PTPRN2: variants seen among roughly 807,000 people sequenced by gnomAD.
PTPRN2 encodes the protein receptor-type tyrosine-protein phosphatase N2.
A neutral mutation model predicts 118.8 loss-of-function variants in PTPRN2; 74 were observed. The observed-to-expected ratio is 0.62, with a 90% CI of 0.52 to 0.76. PTPRN2 has a LOEUF of 0.76. Among genes scored for constraint, PTPRN2 ranks in the 30% least tolerant of loss-of-function variants. PTPRN2 has a pLI of 0.00. For missense variants in PTPRN2, 1,481 were observed against 1,394.4 expected (o/e 1.06, Z -0.99); for synonymous variants, 641 against 608.0 (o/e 1.05, Z -0.80).
intron 10 of PTPRN2, among the ~76,000 whole-genome samples, chr7:158,091,982 TTGGG>T (rs370862687): frequency 0.072 from 485 of 6,730 alleles, 21 homozygotes; most frequent in African/African-American, 0.21. Context: ...AGATGGTTGG[TTGGG>T]TGGGTGGGTG....
intron 6 of PTPRN2, among the ~76,000 whole-genome samples, chr7:158,143,136 C>T (rs1415547116): frequency 1.3e-5 from 2 of 152,182 alleles, no homozygotes; most frequent in Non-Finnish European, 2.9e-5. Flanking sequence ...CGCTCGTCCA[C>T]GTCCACAGGT....
At position 157,622,846 on chromosome 7, in the gene PTPRN2, C is replaced by T. The variant is rs951250611; in HGVS notation, c.2197-1337G>A. ...GGGAAAAGCAGAGGGACTCCAGTGCCGTTGAGAAGCCGCACCGACTGCCTG... is the reference window on the plus strand; with the variant it reads ...GGGAAAAGCAGAGGGACTCCAGTGCTGTTGAGAAGCCGCACCGACTGCCTG... On this transcript the variant is annotated intron_variant, in intron 14 of 22. Coordinates refer to ENST00000389418, the MANE Select transcript of PTPRN2 (RefSeq NM_002847.5). The surrounding 1 kb of genome is among the most constrained non-coding windows in gnomAD (Gnocchi z 5.3). Among the ~76,000 whole-genome samples, 6 of 152,168 alleles carry T rather than the reference C, an allele frequency of 3.9e-5. No homozygotes were observed. Among genetic ancestry groups the T allele is most frequent in the African/African-American group, 1.2e-4 (5 of 41,430 alleles).
At chr7:158,365,474 GATCA>G (rs1809362308) in intron 2 of PTPRN2, among the ~76,000 whole-genome samples, 1 of 152,088 alleles carries the variant, frequency 6.6e-6, no homozygotes, top group South Asian at 2.1e-4. Flanking sequence ...CTGATATTCA[GATCA>G]ATCAGCTGGA....
chr7:157,614,295 G>A (rs1013112230), intron 15 of PTPRN2, among the ~76,000 whole-genome samples: 2 of 152,052 alleles, frequency 1.3e-5, no homozygotes, highest in East Asian at 1.9e-4. Flanking sequence ...CTTGGGAAAC[G>A]GGGGTTCTGG....
chr7:158,249,899 C>T (rs1199999324), intron 3 of PTPRN2, among the ~76,000 whole-genome samples: 6 of 152,166 alleles, frequency 3.9e-5, no homozygotes, highest in East Asian at 3.9e-4. Context: ...CACAACGACC[C>T]GTGCAGTGTC....
At chr7:158,071,262 G>A (rs1484532694) in intron 11 of PTPRN2, among the ~76,000 whole-genome samples, 18 of 45,536 alleles carry the variant, frequency 4.0e-4, no homozygotes, top group Non-Finnish European at 7.6e-4. Context: ...GGAGGTGCCC[G>A]TGGTGGTGGA....
chr7:158,512,824 C>T (rs527473651), intron 1 of PTPRN2, among the ~76,000 whole-genome samples: 2 of 152,216 alleles, frequency 1.3e-5, no homozygotes, highest in African/African-American at 4.8e-5. Context: ...TTCAAAGGGA[C>T]AGTTTGTGTG....
At position 157,594,624 on chromosome 7, in the gene PTPRN2, G is replaced by A. The variant is rs1031848591; in HGVS notation, c.2496+614C>T. 3.9e-5 allele frequency among the ~76,000 whole-genome samples: 6 copies of A among 152,222 alleles called. No homozygotes were observed. The East Asian group carries it at 7.7e-4, about 20-fold the overall frequency. On this transcript the variant is annotated intron_variant, in intron 17 of 22. Transcript: ENST00000389418. ...TGCCTGTGCTCCTGCGGTAACTCAC[G>A]GCCACGTTCCAGGTTCCAGAACCCA...
chr7:158,286,054 C>G (rs1799749856), intron 3 of PTPRN2, among the ~76,000 whole-genome samples: 1 of 152,206 alleles, frequency 6.6e-6, no homozygotes, highest in African/African-American at 2.4e-5. Flanking sequence ...TGCCCTCCAG[C>G]TCTCACATGT....
chr7:158,363,817 C>A (rs1809206555), intron 2 of PTPRN2, among the ~76,000 whole-genome samples: 1 of 152,144 alleles, frequency 6.6e-6, no homozygotes, highest in South Asian at 2.1e-4. Context: ...ATGCCTCTGG[C>A]AGGTCAGGGA....
rs1800952169 is a variant in PTPRN2, at chr7:157,953,289, A to T, written c.1724-54552T>A. Among the ~76,000 whole-genome samples the T allele has an allele frequency of 6.6e-6, 1 of 152,134 alleles. No individual in the cohort carries two copies. Among genetic ancestry groups the T allele is most frequent in the South Asian group, 2.1e-4 (1 of 4,810 alleles). Reference sequence around the variant, plus strand: ...GCCGGGTGTGAGAAGCCTCCTTCCTAGGGCCTGTGTCTCTGGAGTGCACGA... The same window carrying T: ...GCCGGGTGTGAGAAGCCTCCTTCCTTGGGCCTGTGTCTCTGGAGTGCACGA... On this transcript the variant is annotated intron_variant, in intron 11 of 22. Transcript: ENST00000389418. The surrounding 1 kb of genome is among the most constrained non-coding windows in gnomAD (Gnocchi z 4.6).
chr7:158,178,600 T>TC (rs1563565074), intron 5 of PTPRN2, among the ~76,000 whole-genome samples: 1 of 140,366 alleles, frequency 7.1e-6, no homozygotes, highest in African/African-American at 2.6e-5. Flanking sequence ...TTTTTTTTTT[T>TC]TTTTTTTTTT....
intron 9 of PTPRN2, among the ~76,000 whole-genome samples, chr7:158,131,580 A>G (rs545354776): frequency 6.6e-6 from 1 of 150,668 alleles, no homozygotes; most frequent in African/African-American, 2.4e-5. Flanking sequence ...CGACATACAC[A>G]CTCATACACA....
At chr7:158,317,127 G>A (rs1802400297) in intron 2 of PTPRN2, among the ~76,000 whole-genome samples, 195 bp from the exon 3 acceptor site, 2 of 152,210 alleles carry the variant, frequency 1.3e-5, no homozygotes, top group African/African-American at 4.8e-5. Context: ...CGAGCATCAC[G>A]GAAAACACAA....
At chr7:157,790,357 G>A (rs1804410022) in intron 12 of PTPRN2, among the ~76,000 whole-genome samples, 1 of 151,950 alleles carries the variant, frequency 6.6e-6, no homozygotes, top group Admixed American at 6.6e-5. Context: ...GGTTCTAAAG[G>A]TGGTTTGGGT....
At chr7:157,952,429 C>G (rs1010850454) in intron 11 of PTPRN2, among the ~76,000 whole-genome samples, 1 of 78,592 alleles carries the variant, frequency 1.3e-5, no homozygotes. Flanking sequence ...CGGGGGGAGA[C>G]AGGCGAGGGT....
At chr7:158,484,988 G>A (rs918510740) in intron 2 of PTPRN2, among the ~76,000 whole-genome samples, 1 of 152,160 alleles carries the variant, frequency 6.6e-6, no homozygotes, top group African/African-American at 2.4e-5. Flanking sequence ...ACGAGCGCAA[G>A]GGCACCCCTC....
intron 2 of PTPRN2, among the ~76,000 whole-genome samples, chr7:158,485,090 T>A (rs1820910798): frequency 6.6e-6 from 1 of 152,042 alleles, no homozygotes; most frequent in African/African-American, 2.4e-5. Flanking sequence ...CGCAGGCCCG[T>A]GTCACCTGGG....
intron 9 of PTPRN2, among the ~76,000 whole-genome samples, chr7:158,119,062 T>C (rs867430285): frequency 2.1e-4 from 32 of 152,330 alleles, no homozygotes; most frequent in Middle Eastern, 3.4e-3. Flanking sequence ...ATTTTTAGTT[T>C]AACGTAAAAT....
Sources: gnomAD v4.1 joint callset for allele counts (sites outside exome capture counted in the v4.1 genomes callset) on GRCh38, gnomAD v4.1.1 for gene constraint, Gnocchi (gnomAD v3.1) non-coding constraint, MANE v1.5 for transcripts, NCBI Gene and HGNC (gene_info 2026-07-23, HGNC 2026-07-21) for gene names.